The following CPA6 variants were observed in gnomAD, a reference collection of about 807,000 sequenced individuals.
CPA6 encodes the protein carboxypeptidase A6.
A neutral mutation model predicts 63.3 loss-of-function variants in CPA6; 58 were observed. The ratio of observed to expected loss-of-function variants is 0.92; its 90% CI spans 0.74 to 1.14. The LOEUF (loss-of-function observed/expected upper bound fraction) is 1.14. CPA6 is among the 50% of genes most tolerant of loss of function. The pLI is 0.00. For missense variants in CPA6, 565 were observed against 526.6 expected, an observed-to-expected ratio of 1.07 and a Z score of -0.71; for synonymous variants, 185 against 179.0, an observed-to-expected ratio of 1.03 and a Z score of -0.27.
chr8:67,596,101 C>G (rs189875765), intron 2 of CPA6, among the ~76,000 whole-genome samples: 6 of 152,204 alleles, frequency 3.9e-5, no homozygotes, highest in African/African-American at 1.2e-4. Context: ...TCTCAACAAT[C>G]TTTAATTTTT....
intron 1 of CPA6, among the ~76,000 whole-genome samples, chr8:67,645,600 C>T (rs1815697105): frequency 6.6e-6 from 1 of 152,158 alleles, no homozygotes; most frequent in Non-Finnish European, 1.5e-5. Context: ...TGAAGTTTGT[C>T]TTTGCCAATT....
chr8:67,646,124 C>T (rs978271267), intron 1 of CPA6, among the ~76,000 whole-genome samples: 4 of 152,222 alleles, frequency 2.6e-5, no homozygotes, highest in Non-Finnish European at 4.4e-5. Flanking sequence ...TGTAACACTG[C>T]AACCAGCACC....
Position 67,474,865 on chromosome 8 carries a change from G to C in CPA6, c.838+8903C>G, listed in dbSNP as rs1370426305. On this transcript the variant is annotated intron_variant, in intron 8 of 10. Transcript: ENST00000297770. The stretch of plus-strand genomic sequence containing the variant: ...ATGATGGCTCACACTGGTAATCCCA[G>C]CTACACTCAGAAGGCTGAGGTGGAA... Among the ~76,000 whole-genome samples, 3 of 152,098 alleles carry C rather than the reference G, an allele frequency of 2.0e-5. No individual in the cohort carries two copies. The East Asian group carries it at 5.8e-4, about 29-fold the overall frequency.
chr8:67,746,236 G>T lies in CPA6; in HGVS notation c.-107C>A. On this transcript the variant is annotated 5_prime_UTR_variant, in exon 1 of 11. Transcript: ENST00000297770. Reference sequence around the variant, plus strand: ...CACAGGTTCTCCGGGAAGGGGGTGGGCGAGGAAGGTTGAGAGTGAGCAAAA... The same window carrying T: ...CACAGGTTCTCCGGGAAGGGGGTGGTCGAGGAAGGTTGAGAGTGAGCAAAA... 1.4e-6 allele frequency: 1 copy of T among 706,484 alleles called. No homozygotes were observed. The highest frequency in any genetic ancestry group is 2.3e-6 in the Non-Finnish European group (1 of 436,372). The allele number at this position is 706,484 out of a possible 1,614,324, so 43.8% of individuals were successfully genotyped here. A position where few individuals can be genotyped will look rare whatever the true frequency, so the allele number is the denominator to read the frequency against.
chr8:67,548,614 G>T (rs1812874908), intron 2 of CPA6, among the ~76,000 whole-genome samples: 1 of 152,154 alleles, frequency 6.6e-6, no homozygotes, highest in East Asian at 1.9e-4. Context: ...ACTATGAGAT[G>T]ATATGTGATT....
At chr8:67,683,679 T>C (rs988875517) in intron 1 of CPA6, among the ~76,000 whole-genome samples, 2 of 152,182 alleles carry the variant, frequency 1.3e-5, no homozygotes, top group African/African-American at 4.8e-5. Flanking sequence ...CTCTTCTTTA[T>C]GCCTATTCAA....
intron 2 of CPA6, among the ~76,000 whole-genome samples, chr8:67,608,647 T>C (rs1207869025): frequency 1.3e-5 from 2 of 152,144 alleles, no homozygotes; most frequent in African/African-American, 2.4e-5. Flanking sequence ...ACTGAGTTGG[T>C]TAACACTTAG....
At chr8:67,592,905 G>A (rs1351183905) in intron 2 of CPA6, among the ~76,000 whole-genome samples, 1 of 151,798 alleles carries the variant, frequency 6.6e-6, no homozygotes, top group Non-Finnish European at 1.5e-5. Flanking sequence ...TCTGATTTTA[G>A]TTATTTCTTG....
At chr8:67,673,193 C>T (rs183921753) in intron 1 of CPA6, among the ~76,000 whole-genome samples, 27 of 152,152 alleles carry the variant, frequency 1.8e-4, no homozygotes, top group African/African-American at 6.3e-4. Flanking sequence ...ACATTCACCT[C>T]TCTTCTCTGA....
chr8:67,636,618 A>T (rs1399017359), intron 1 of CPA6, among the ~76,000 whole-genome samples: 1 of 151,494 alleles, frequency 6.6e-6, no homozygotes, highest in African/African-American at 2.5e-5. Flanking sequence ...TTCAGAAGGA[A>T]AGATTTAGGG....
rs781755691 is a variant in CPA6 at position 67,430,169 on chromosome 8, GTGTA to G, written c.1042-2042_1042-2039del. On this transcript the variant is annotated intron_variant, in intron 9 of 10. Coordinates refer to ENST00000297770, the MANE Select transcript of CPA6 (RefSeq NM_020361.5). ...TGTGTGTGTGTGTGTGTGTGTGTGT[GTGTA>G]TATATTTTGTTTTTTTTTTTTTTTA... Among the ~76,000 whole-genome samples, 262 of 118,520 alleles carry G rather than the reference GTGTA, an allele frequency of 2.2e-3. 3 individuals are homozygous for G. The highest frequency in any genetic ancestry group is 0.018 in the Middle Eastern group (4 of 228). The allele number at this position is 118,520 out of a possible 152,430, so 77.8% of individuals were successfully genotyped here. A position where few individuals can be genotyped will look rare whatever the true frequency, so the allele number is the denominator to read the frequency against.
At chr8:67,726,807 G>T (rs886567620) in intron 1 of CPA6, among the ~76,000 whole-genome samples, 1 of 152,154 alleles carries the variant, frequency 6.6e-6, no homozygotes, top group Admixed American at 6.5e-5. Flanking sequence ...TATGTGACAC[G>T]CAGCAAGACA....
intron 1 of CPA6, among the ~76,000 whole-genome samples, chr8:67,672,706 C>G (rs1455115298): frequency 6.6e-6 from 1 of 152,136 alleles, no homozygotes. Context: ...TGCCATTAAC[C>G]TAGGCATCAA....
chr8:67,561,354 A>G (rs1427861572), intron 2 of CPA6, among the ~76,000 whole-genome samples: 4 of 152,202 alleles, frequency 2.6e-5, no homozygotes, highest in African/African-American at 9.6e-5. Context: ...TTTTCAATCA[A>G]GTCATCACAG....
intron 1 of CPA6, among the ~76,000 whole-genome samples, chr8:67,688,474 CA>C (rs1388589518): frequency 1.3e-5 from 2 of 152,120 alleles, no homozygotes; most frequent in Non-Finnish European, 2.9e-5. Context: ...CTCATTTACC[CA>C]AAATCGAAAG....
intron 2 of CPA6, among the ~76,000 whole-genome samples, chr8:67,555,880 C>G (rs943655048): frequency 1.4e-4 from 21 of 152,194 alleles, no homozygotes; most frequent in Non-Finnish European, 5.9e-5. Context: ...TACATTCACC[C>G]ATTTTTCTGT....
At chr8:67,561,000 C>T (rs906830559) in intron 2 of CPA6, among the ~76,000 whole-genome samples, 7 of 152,136 alleles carry the variant, frequency 4.6e-5, no homozygotes, top group African/African-American at 1.4e-4. Flanking sequence ...GTTGATGATT[C>T]TATCTAGTTA....
intron 1 of CPA6, among the ~76,000 whole-genome samples, chr8:67,627,353 T>C (rs1815215248): frequency 6.6e-6 from 1 of 152,216 alleles, no homozygotes; most frequent in Non-Finnish European, 1.5e-5. Context: ...TTTCAGGTAG[T>C]CTACTGGAAC....
rs142265790 is a variant in CPA6 at position 67,481,845 on chromosome 8, C to G, written c.838+1923G>C. ...TGGGAGGGAGGCAGGTCACACTTGG[C>G]TGCCTGCCTATCGGATCAGCTGAAT... On this transcript the variant is annotated intron_variant, in intron 8 of 10. Coordinates refer to ENST00000297770, the MANE Select transcript of CPA6 (RefSeq NM_020361.5). 6.2e-4 allele frequency among the ~76,000 whole-genome samples: 95 copies of G among 152,328 alleles called. 1 individual carries two copies. The highest frequency in any genetic ancestry group is 2.2e-3 in the African/African-American group (91 of 41,582).
Sources: gnomAD v4.1 joint callset for allele counts (sites outside exome capture counted in the v4.1 genomes callset) on GRCh38, gnomAD v4.1.1 for gene constraint, MANE v1.5 for transcripts, NCBI Gene and HGNC (gene_info 2026-07-23, HGNC 2026-07-21) for gene names.